CD83: variants seen among roughly 807,000 people sequenced by gnomAD.
The protein encoded by CD83 is CD83 antigen.
In CD83, 22 loss-of-function variants were observed where a neutral mutation model predicts 24.6. The ratio of observed to expected loss-of-function variants is 0.90; its 90% CI spans 0.64 to 1.28. CD83 has a LOEUF of 1.28. CD83 is among the 50% of genes most tolerant of loss of function. The pLI is 0.00. For missense variants in CD83, 253 were observed against 252.8 expected, an observed-to-expected ratio of 1.00 and a Z score of -0.01; for synonymous variants, 101 against 103.5, an observed-to-expected ratio of 0.98 and a Z score of 0.14.
chr6:14,123,815 C>T (rs1759728232), intron 2 of CD83, among the ~76,000 whole-genome samples: 1 of 147,826 alleles, frequency 6.8e-6, no homozygotes. Flanking sequence ...AAAGGGGGAA[C>T]CTGAGTCACA....
At chr6:14,134,292 C>G (rs186048468) in intron 4 of CD83, among the ~76,000 whole-genome samples, 1 of 152,218 alleles carries the variant, frequency 6.6e-6, no homozygotes, top group Non-Finnish European at 1.5e-5. Flanking sequence ...GGGAGGCTTC[C>G]GGGGTGCAGG....
intron 2 of CD83, among the ~76,000 whole-genome samples, 179 bp downstream of exon 2, chr6:14,118,244 G>A (rs1759588919): frequency 1.3e-5 from 2 of 152,266 alleles, no homozygotes; most frequent in East Asian, 1.9e-4. Context: ...TCCGCATCCA[G>A]GTACAGGGCC....
Position 14,135,136 on chromosome 6 carries a change from C to A in CD83, c.518C>A (p.Pro173Gln). Residue 173 changes from proline to glutamine, a missense_variant, in exon 5 of 5, where the codon CCA becomes CAA. Pro to Gln is a moderately conservative substitution (Grantham distance 76). Coordinates refer to ENST00000379153, the MANE Select transcript of CD83 (RefSeq NM_004233.4). ...TTTGCACGGCTACAGAGTATCTTCC[C>A]AGATTTTTCTAAAGCTGGCATGGAA... ...CKFARLQSIF[P>Q]DFSKAGMERA... is the part of the protein sequence containing the mutation. 1 of 1,614,124 alleles carries A rather than the reference C, an allele frequency of 6.2e-7. No individual in the cohort carries two copies.
At chr6:14,119,266 G>A (rs1759616115) in intron 2 of CD83, among the ~76,000 whole-genome samples, 1 of 152,184 alleles carries the variant, frequency 6.6e-6, no homozygotes, top group African/African-American at 2.4e-5. Flanking sequence ...TCAGAGCATT[G>A]TATTGTGTAT....
rs866781658 is a variant in CD83 at position 14,129,841 on chromosome 6, G to C, written c.154-1679G>C. On this transcript the variant is annotated intron_variant, in intron 2 of 4. Transcript: ENST00000379153. The surrounding 1 kb of genome is among the most constrained non-coding windows in gnomAD (Gnocchi z 4.3). Reference sequence around the variant, plus strand: ...AAATGAAGCAGAAATGACTGTGTGTGTGTGTGTGTGTGTGTGTGTGTGTAT... The same window carrying C: ...AAATGAAGCAGAAATGACTGTGTGTCTGTGTGTGTGTGTGTGTGTGTGTAT... 1.4e-4 allele frequency among the ~76,000 whole-genome samples: 21 copies of C among 150,208 alleles called. No homozygotes were observed. The highest frequency in any genetic ancestry group is 5.0e-4 in the African/African-American group (20 of 40,066).
chr6:14,133,692 A>G lies in CD83; in HGVS notation c.426A>G (p.Arg142=), dbSNP rs759573925. The G allele has an allele frequency of 2.2e-5, 35 of 1,614,024 alleles. No homozygotes were observed. The South Asian group carries it at 3.2e-4, about 15-fold the overall frequency. ...AAGAAGAGACTTTTAAGAAATACAG[A>G]GCGGAGATTGTCCTGCTGCTGGCTC... The part of the protein sequence containing the change: ...QRKEETFKKY[R]AEIVLLLALV... Residue 142 remains arginine, a synonymous_variant, in exon 4 of 5, where the codon AGA becomes AGG. Transcript: ENST00000379153.
At chr6:14,117,489 T>C (rs1004176940), upstream of CD83, among the ~76,000 whole-genome samples, 9 of 151,116 alleles carry the variant, frequency 6.0e-5, no homozygotes, top group African/African-American at 2.2e-4. This position sits in a 1 kb window ranked among gnomAD's most constrained non-coding sequence, Gnocchi z 4.6. Flanking sequence ...CACGCGGGGA[T>C]TGCTGTCGCC....
intron 2 of CD83, among the ~76,000 whole-genome samples, chr6:14,126,657 T>C (rs1282641468): frequency 6.6e-6 from 1 of 152,202 alleles, no homozygotes; most frequent in East Asian, 1.9e-4. Context: ...AAAAAGATAT[T>C]AATGCTCATA....
In CD83 at chr6:14,129,530, A is replaced by G. The variant is rs1023528959; in HGVS notation, c.154-1990A>G. On this transcript the variant is annotated intron_variant, in intron 2 of 4. Transcript: ENST00000379153. The surrounding 1 kb of genome is among the most constrained non-coding windows in gnomAD (Gnocchi z 4.3). Reference sequence around the variant, plus strand: ...TTTTGTGCTTTATTTTTGCACACCTATGGGCCCCAGTCTTTTAGCTTCCTC... The same window carrying G: ...TTTTGTGCTTTATTTTTGCACACCTGTGGGCCCCAGTCTTTTAGCTTCCTC... 7.9e-5 allele frequency among the ~76,000 whole-genome samples: 12 copies of G among 152,276 alleles called. No homozygotes were observed. Among genetic ancestry groups the G allele is most frequent in the African/African-American group, 2.9e-4 (12 of 41,554 alleles).
chr6:14,134,029 A>G (rs186613607), intron 4 of CD83, among the ~76,000 whole-genome samples: 177 of 152,246 alleles, frequency 1.2e-3, no homozygotes, highest in Non-Finnish European at 1.9e-3. Context: ...AAGGGGTTCT[A>G]TGCAAGAGCA....
Position 14,135,310 on chromosome 6 carries a change from A to T in CD83, c.*74A>T. 6.6e-7 allele frequency: 1 copy of T among 1,510,026 alleles called. No individual in the cohort carries two copies. Among genetic ancestry groups the T allele is most frequent in the South Asian group, 1.2e-5 (1 of 84,376 alleles). The allele number at this position is 1,510,026 out of a possible 1,614,324, so 93.5% of individuals were successfully genotyped here. A position where few individuals can be genotyped will look rare whatever the true frequency, so the allele number is the denominator to read the frequency against. On this transcript the variant is annotated 3_prime_UTR_variant, in exon 5 of 5. Coordinates refer to ENST00000379153, the MANE Select transcript of CD83 (RefSeq NM_004233.4). ...GCCTGTCTGTTACACTGGAGGAGAG[A>T]AGAATGAGCCTACGCTGAAGATGGC...
Position 14,129,735 on chromosome 6 carries a change from C to T in CD83, c.154-1785C>T, listed in dbSNP as rs1759902571. 6.6e-6 allele frequency among the ~76,000 whole-genome samples: 1 copy of T among 152,038 alleles called. No individual in the cohort carries two copies. Among genetic ancestry groups the T allele is most frequent in the African/African-American group, 2.4e-5 (1 of 41,390 alleles). ...ATCTGCCACCAGATGTCTCTGTAGCCCACTCTACAGGAATGCTCACAAACA... is the reference window on the plus strand; with the variant it reads ...ATCTGCCACCAGATGTCTCTGTAGCTCACTCTACAGGAATGCTCACAAACA... On this transcript the variant is annotated intron_variant, in intron 2 of 4. Coordinates refer to ENST00000379153, the MANE Select transcript of CD83 (RefSeq NM_004233.4). This position sits in a 1 kb window ranked among gnomAD's most constrained non-coding sequence, Gnocchi z 4.3.
intron 2 of CD83, among the ~76,000 whole-genome samples, chr6:14,127,349 T>C (rs1431469228): frequency 6.6e-6 from 1 of 152,110 alleles, no homozygotes; most frequent in African/African-American, 2.4e-5. Context: ...TGATCAAAAC[T>C]CTTTTTTTGC....
rs200833679 is a variant in CD83, at chr6:14,127,443, T to TA, written c.154-4068dup. 2.3e-3 allele frequency among the ~76,000 whole-genome samples: 349 copies of TA among 150,680 alleles called. 1 individual carries two copies. Among genetic ancestry groups the TA allele is most frequent in the African/African-American group, 7.7e-3 (317 of 41,030 alleles). Reference sequence around the variant, plus strand: ...ATATTTGGATAAAATTATGTAAACTTAAAAAAAAACACTTTCCACAATAGG... The same window carrying TA: ...ATATTTGGATAAAATTATGTAAACTTAAAAAAAAAACACTTTCCACAATAGG... On this transcript the variant is annotated intron_variant, in intron 2 of 4. Transcript: ENST00000379153.
At chr6:14,125,615 C>A (rs868004913) in intron 2 of CD83, among the ~76,000 whole-genome samples, 2 of 152,250 alleles carry the variant, frequency 1.3e-5, no homozygotes, top group Middle Eastern at 3.4e-3. Flanking sequence ...CCTCTAGAAC[C>A]TAGGTGTGGA....
intron 2 of CD83, among the ~76,000 whole-genome samples, chr6:14,118,799 T>C (rs1759604156): frequency 6.6e-6 from 1 of 152,222 alleles, no homozygotes; most frequent in African/African-American, 2.4e-5. Context: ...AAGATGGCAA[T>C]GATGGTGTCA....
rs543401049 is a variant in CD83, at chr6:14,117,976, G to A, written c.64G>A (p.Glu22Lys). 4.3e-6 allele frequency: 7 copies of A among 1,610,562 alleles called. No homozygotes were observed. In the African/African-American group the frequency reaches 9.3e-5, roughly 22 times the overall value. The part of the protein sequence containing the change: ...CAYSLAPATP[E>K]VKVACSEDVD... Reference sequence around the variant, plus strand: ...CTACAGCCTGGCTCCCGCGACGCCGGAGGTGAAGGTGGCTTGCTCCGAAGA... The same window carrying A: ...CTACAGCCTGGCTCCCGCGACGCCGAAGGTGAAGGTGGCTTGCTCCGAAGA... Residue 22 changes from glutamate to lysine, a missense_variant, in exon 2 of 5, where the codon GAG (glutamate) becomes AAG (lysine). Physicochemically the swap from Glu to Lys is moderately conservative, Grantham distance 56. Coordinates refer to ENST00000379153, the MANE Select transcript of CD83 (RefSeq NM_004233.4). This position sits in a 1 kb window ranked among gnomAD's most constrained non-coding sequence, Gnocchi z 4.6.
intron 2 of CD83, among the ~76,000 whole-genome samples, chr6:14,124,956 A>G (rs779896492): frequency 4.6e-5 from 7 of 152,162 alleles, no homozygotes; most frequent in Admixed American, 1.3e-4. Flanking sequence ...TCCTGATAGG[A>G]GAAAACACAC....
At chr6:14,117,637 G>A (rs1759560565), upstream of CD83, 2 of 366,840 alleles carry the variant, frequency 5.5e-6, no homozygotes, top group Admixed American at 4.7e-5. This position sits in a 1 kb window ranked among gnomAD's most constrained non-coding sequence, Gnocchi z 4.6. Context: ...GGGCGGGGAC[G>A]GGGGCGCCCC....
Sources: allele counts gnomAD v4.1 joint callset (sites outside exome capture counted in the v4.1 genomes callset), GRCh38; gene constraint gnomAD v4.1.1; non-coding constraint Gnocchi (gnomAD v3.1); transcripts MANE v1.5; gene names NCBI Gene and HGNC (gene_info 2026-07-23, HGNC 2026-07-21).